Variants in BMPER observed in about 807,000 individuals in gnomAD.
BMPER encodes BMP-binding endothelial regulator protein.
BMPER carries 45 observed loss-of-function variants against 87.3 expected under a neutral mutation model. The observed-to-expected ratio is 0.52, with a 90% CI of 0.41 to 0.66. The LOEUF is 0.66. BMPER is among the 30% of genes least tolerant of loss of function. The probability of loss-of-function intolerance (pLI) is 0.00; values close to 1 mark genes in which losing one functional copy is unlikely to be tolerated. For synonymous variants in BMPER, 326 were observed against 316.2 expected, an observed-to-expected ratio of 1.03 and a Z score of -0.33; for missense variants, 784 against 867.5, an observed-to-expected ratio of 0.90 and a Z score of 1.21.
intron 10 of BMPER, among the ~76,000 whole-genome samples, chr7:34,061,256 CAG>C (rs558667207): frequency 1.3e-3 from 200 of 152,218 alleles, no homozygotes; most frequent in Non-Finnish European, 1.9e-3. Context: ...ACCACTGAGT[CAG>C]AGATAAGACA....
intron 6 of BMPER, among the ~76,000 whole-genome samples, chr7:34,026,880 A>G (rs1374596952): frequency 1.3e-5 from 2 of 152,102 alleles, no homozygotes; most frequent in Non-Finnish European, 2.9e-5. Flanking sequence ...TTTTACTGGA[A>G]CAAAACTCAT....
intron 13 of BMPER, among the ~76,000 whole-genome samples, chr7:34,094,111 G>A (rs1789465580): frequency 6.6e-6 from 1 of 152,148 alleles, no homozygotes; most frequent in Non-Finnish European, 1.5e-5. Context: ...TGTCCACTCG[G>A]GTTTTCAAAT....
chr7:34,105,916 C>G (rs945744477), intron 13 of BMPER, among the ~76,000 whole-genome samples: 1 of 152,174 alleles, frequency 6.6e-6, no homozygotes, highest in Non-Finnish European at 1.5e-5. Context: ...GGTAAATAAG[C>G]ATTGGATTAA....
chr7:33,945,259 T>C (rs1475950520), intron 3 of BMPER, among the ~76,000 whole-genome samples: 3 of 135,348 alleles, frequency 2.2e-5, no homozygotes, highest in African/African-American at 8.4e-5. Context: ...TTTTTTTTTT[T>C]TTTTTTTTTG....
chr7:34,143,085 T>C, intron 13 of BMPER, 145 bp from the exon 14 acceptor site: 1 of 1,115,420 alleles, frequency 9.0e-7, no homozygotes, highest in Non-Finnish European at 1.3e-6. Context: ...ACACAGAATT[T>C]TGCCAATTTA....
chr7:34,095,842 G>T (rs1179129574), intron 13 of BMPER, among the ~76,000 whole-genome samples: 1 of 151,520 alleles, frequency 6.6e-6, no homozygotes, highest in African/African-American at 2.4e-5. Context: ...ATGTAGTTTT[G>T]TAAGCTGACT....
intron 3 of BMPER, among the ~76,000 whole-genome samples, chr7:33,937,868 G>A (rs1193887116): frequency 2.6e-5 from 4 of 151,744 alleles, no homozygotes; most frequent in Admixed American, 6.6e-5. Flanking sequence ...AAGTCCCTCC[G>A]CCTGTCTTTG....
chr7:34,121,396 A>AT (rs1477477392), intron 13 of BMPER, among the ~76,000 whole-genome samples: 1 of 152,114 alleles, frequency 6.6e-6, no homozygotes, highest in Non-Finnish European at 1.5e-5. Flanking sequence ...TGGTTTCCTT[A>AT]TTTTTTATTG....
At chr7:34,052,724 G>A (rs990263358) in intron 8 of BMPER, among the ~76,000 whole-genome samples, 1 of 152,104 alleles carries the variant, frequency 6.6e-6, no homozygotes, top group African/African-American at 2.4e-5. Flanking sequence ...GGGAAAGAGG[G>A]GAGCTCTACT....
chr7:34,120,625 CGACCTCAAAT>C (rs1294312896), intron 13 of BMPER, among the ~76,000 whole-genome samples: 1 of 152,080 alleles, frequency 6.6e-6, no homozygotes, highest in Non-Finnish European at 1.5e-5. Context: ...CTCGAATTCC[CGACCTCAAAT>C]GATCTGCCCA....
At chr7:34,023,826 C>A (rs1257116278) in intron 6 of BMPER, among the ~76,000 whole-genome samples, 1 of 151,530 alleles carries the variant, frequency 6.6e-6, no homozygotes, top group Non-Finnish European at 1.5e-5. Context: ...GTGTTTTGGC[C>A]CATTTTATTA....
At chr7:33,918,492 C>G (rs935031319) in intron 2 of BMPER, among the ~76,000 whole-genome samples, 2 of 152,230 alleles carry the variant, frequency 1.3e-5, no homozygotes, top group African/African-American at 4.8e-5. Context: ...TCCAGAGACA[C>G]TCACAGCCTG....
At chr7:34,128,811 A>G (rs1790470013) in intron 13 of BMPER, among the ~76,000 whole-genome samples, 1 of 152,240 alleles carries the variant, frequency 6.6e-6, no homozygotes, top group African/African-American at 2.4e-5. Context: ...TGTCTATCAC[A>G]GGAATGAGAT....
chr7:34,151,922 T>C (rs1296460020), intron 14 of BMPER, among the ~76,000 whole-genome samples: 2 of 152,244 alleles, frequency 1.3e-5, no homozygotes, highest in African/African-American at 4.8e-5. Context: ...CTCATTTGTT[T>C]CTAACCAGTG....
At chr7:33,920,186 G>A (rs1784186011) in intron 2 of BMPER, among the ~76,000 whole-genome samples, 1 of 152,088 alleles carries the variant, frequency 6.6e-6, no homozygotes, top group Admixed American at 6.6e-5. Context: ...AGCCAATTTG[G>A]CTACTTGTCT....
intron 6 of BMPER, 91 bp downstream of exon 6, chr7:33,974,875 T>A (rs983620541): frequency 8.1e-7 from 1 of 1,238,546 alleles, no homozygotes; most frequent in Admixed American, 1.7e-5. Context: ...ACAGCCTCTC[T>A]CTCGTCTCCT....
At chr7:34,065,204 C>CTG in intron 11 of BMPER, among the ~76,000 whole-genome samples, 1 of 28,734 alleles carries the variant, frequency 3.5e-5, no homozygotes, top group African/African-American at 8.9e-5. Flanking sequence ...TACACACTCA[C>CTG]TCTCTCTCTC....
chr7:34,006,808 A>G (rs971989987), intron 6 of BMPER, among the ~76,000 whole-genome samples: 1 of 152,042 alleles, frequency 6.6e-6, no homozygotes, highest in African/African-American at 2.4e-5. Flanking sequence ...CCATAGTTTG[A>G]TCTGTAGTGC....
intron 11 of BMPER, among the ~76,000 whole-genome samples, chr7:34,076,802 G>T (rs1188672550): frequency 6.6e-6 from 1 of 152,144 alleles, no homozygotes; most frequent in African/African-American, 2.4e-5. Flanking sequence ...GTGGGCAGCA[G>T]GTTGTGGGCA....
Sources: gnomAD v4.1 joint callset for allele counts (sites outside exome capture counted in the v4.1 genomes callset) on GRCh38, gnomAD v4.1.1 for gene constraint, MANE v1.5 for transcripts, NCBI Gene and HGNC (gene_info 2026-07-23, HGNC 2026-07-21) for gene names.